CTNNA2: variants seen among roughly 807,000 people sequenced by gnomAD.
The protein encoded by CTNNA2 is catenin alpha 2.
Under a neutral mutation model 101.0 loss-of-function variants are expected in CTNNA2, and 42 were observed. That is an observed-to-expected ratio of 0.42 (90% CI 0.32 to 0.54). The LOEUF (loss-of-function observed/expected upper bound fraction) is 0.54. Ranked by LOEUF, CTNNA2 falls within the 20% of genes least tolerant of loss-of-function variation. The pLI, the probability that CTNNA2 is intolerant of heterozygous loss-of-function variation, is 0.14. For missense variants in CTNNA2, 871 were observed against 1,223.1 expected, an observed-to-expected ratio of 0.71 and a Z score of 4.29; for synonymous variants, 450 against 456.4, an observed-to-expected ratio of 0.99 and a Z score of 0.18.
In CTNNA2 at chr2:79,842,940, A is replaced by T. The variant is rs1428524240; in HGVS notation, c.299-15073A>T. 2.7e-5 allele frequency among the ~76,000 whole-genome samples: 4 copies of T among 150,228 alleles called. No homozygotes were observed. The East Asian group carries it at 8.0e-4, about 30-fold the overall frequency. On this transcript the variant is annotated intron_variant, in intron 3 of 18. Coordinates refer to ENST00000402739, the MANE Select transcript of CTNNA2 (RefSeq NM_001282597.3). ...AAAAGTAACTGGAAGAGAAGAGGTG[A>T]CATTGTTTAATCTCAAAGAGATCCA...
intron 2 of CTNNA2, among the ~76,000 whole-genome samples, chr2:79,690,854 C>T (rs1024335811): frequency 6.6e-6 from 1 of 151,924 alleles, no homozygotes; most frequent in Non-Finnish European, 1.5e-5. Flanking sequence ...AAAACATTCA[C>T]GTATTTATAC....
intron 6 of CTNNA2, among the ~76,000 whole-genome samples, chr2:79,877,423 C>A (rs1683110444): frequency 6.6e-6 from 1 of 152,076 alleles, no homozygotes. Flanking sequence ...CATCAGCAAA[C>A]CTAGACAGTA....
At chr2:80,620,339 A>G (rs1480363491) in intron 18 of CTNNA2, among the ~76,000 whole-genome samples, 1 of 151,616 alleles carries the variant, frequency 6.6e-6, no homozygotes, top group African/African-American at 2.4e-5. Context: ...AAAAATGAAG[A>G]GTCCTTTCTG....
intron 9 of CTNNA2, among the ~76,000 whole-genome samples, chr2:80,515,464 G>A (rs573241433): frequency 6.6e-6 from 1 of 152,284 alleles, no homozygotes; most frequent in East Asian, 1.9e-4. Flanking sequence ...CTAAAGCTGA[G>A]ACTCAAGAAG....
chr2:79,987,109 C>T (rs1691823553), intron 7 of CTNNA2, among the ~76,000 whole-genome samples: 1 of 152,166 alleles, frequency 6.6e-6, no homozygotes, highest in Non-Finnish European at 1.5e-5. Context: ...TGGAAGCTGT[C>T]TCTCTTCCAA....
At chr2:80,037,384 AT>A (rs1695735743) in intron 7 of CTNNA2, among the ~76,000 whole-genome samples, 1 of 152,226 alleles carries the variant, frequency 6.6e-6, no homozygotes, top group Non-Finnish European at 1.5e-5. Flanking sequence ...TGCAAAAAAA[AT>A]GATCCTCTGT....
intron 4 of CTNNA2, among the ~76,000 whole-genome samples, chr2:79,454,553 C>T (rs904272645): frequency 5.9e-5 from 9 of 152,152 alleles, no homozygotes; most frequent in Admixed American, 5.9e-4. Flanking sequence ...TAACCCTGCT[C>T]TGGAATCCTA....
At chr2:79,300,550 G>A (rs1029070986) in intron 2 of CTNNA2, among the ~76,000 whole-genome samples, 1 of 152,106 alleles carries the variant, frequency 6.6e-6, no homozygotes, top group Admixed American at 6.6e-5. Flanking sequence ...TCAGTATACT[G>A]TTGAAAAAAT....
chr2:79,941,361 T>C (rs1688147131), intron 7 of CTNNA2, among the ~76,000 whole-genome samples: 2 of 152,236 alleles, frequency 1.3e-5, no homozygotes, highest in African/African-American at 4.8e-5. Context: ...CTCTTATTCC[T>C]GTACTGCTCC....
At chr2:79,387,466 C>G (rs537421793) in intron 4 of CTNNA2, among the ~76,000 whole-genome samples, 2 of 152,254 alleles carry the variant, frequency 1.3e-5, no homozygotes, top group South Asian at 2.1e-4. Flanking sequence ...GAAGAAAGAG[C>G]CAGAATCAAG....
At chr2:80,550,133 G>A (rs942879681) in intron 11 of CTNNA2, among the ~76,000 whole-genome samples, 1 of 152,172 alleles carries the variant, frequency 6.6e-6, no homozygotes, top group Admixed American at 6.5e-5. Flanking sequence ...GCAATAAGGT[G>A]AATCATACAA....
intron 17 of CTNNA2, among the ~76,000 whole-genome samples, chr2:80,612,309 T>C (rs1293975305): frequency 2.0e-5 from 3 of 151,606 alleles, no homozygotes; most frequent in African/African-American, 7.2e-5. Context: ...CTAATTACAA[T>C]CAACATGAAT....
chr2:79,397,307 G>C (rs1434748744), intron 4 of CTNNA2, among the ~76,000 whole-genome samples: 1 of 151,914 alleles, frequency 6.6e-6, no homozygotes, highest in Non-Finnish European at 1.5e-5. Flanking sequence ...TCAAATACTA[G>C]ACTATATTTC....
chr2:79,982,411 CACAT>C (rs1558698302), intron 7 of CTNNA2, among the ~76,000 whole-genome samples: 240 of 136,380 alleles, frequency 1.8e-3, no homozygotes, highest in Middle Eastern at 8.1e-3. Flanking sequence ...TAACATATAA[CACAT>C]ATATAACACA....
chr2:80,062,807 G>T, intron 7 of CTNNA2, among the ~76,000 whole-genome samples: 1 of 148,142 alleles, frequency 6.8e-6, no homozygotes, highest in South Asian at 2.1e-4. Flanking sequence ...CCATGTTCAC[G>T]CCATTCTCCT....
chr2:80,587,411 G>C (rs986721145), intron 14 of CTNNA2, among the ~76,000 whole-genome samples: 1 of 152,138 alleles, frequency 6.6e-6, no homozygotes, highest in African/African-American at 2.4e-5. Context: ...ATAATATAAT[G>C]TTAATGATAA....
chr2:79,709,683 T>C (rs1298892870), intron 2 of CTNNA2, among the ~76,000 whole-genome samples: 1 of 152,120 alleles, frequency 6.6e-6, no homozygotes, highest in Non-Finnish European at 1.5e-5. Flanking sequence ...ACTGTGGGCA[T>C]GTTTTACAGA....
intron 2 of CTNNA2, among the ~76,000 whole-genome samples, chr2:79,285,361 G>T (rs1482041907): frequency 6.7e-6 from 1 of 149,596 alleles, no homozygotes; most frequent in Non-Finnish European, 1.5e-5. Flanking sequence ...GTCAATTTTG[G>T]ATCTTTCCTG....
intron 3 of CTNNA2, among the ~76,000 whole-genome samples, chr2:79,839,268 C>G (rs1241481470): frequency 1.3e-5 from 2 of 151,946 alleles, no homozygotes; most frequent in African/African-American, 4.8e-5. Context: ...CTTCCATTTT[C>G]CATTTCAGAA....
Sources: allele counts gnomAD v4.1 joint callset (sites outside exome capture counted in the v4.1 genomes callset), GRCh38; gene constraint gnomAD v4.1.1; transcripts MANE v1.5; gene names NCBI Gene and HGNC (gene_info 2026-07-23, HGNC 2026-07-21).